The following MGST1 variants were observed in gnomAD, a reference collection of about 807,000 sequenced individuals.
MGST1 encodes the protein microsomal glutathione S-transferase 1.
In MGST1, 5 loss-of-function variants were observed where a neutral mutation model predicts 8.9. That is an observed-to-expected ratio of 0.56 (90% CI 0.29 to 1.19). MGST1 has a LOEUF of 1.19. Among genes scored for constraint, MGST1 ranks in the 50% most tolerant of loss-of-function variants. MGST1 has a pLI of 0.08. For synonymous variants in MGST1, 54 were observed against 67.8 expected, an observed-to-expected ratio of 0.80 and a Z score of 1.00; for missense variants, 182 against 187.4, an observed-to-expected ratio of 0.97 and a Z score of 0.17.
rs142092134 is a variant in MGST1 at position 16,430,826 on chromosome 12, A to G, written n.779-6562A>G. On this transcript the variant is annotated intron_variant and non_coding_transcript_variant, in intron 1 of 1. Transcript: ENST00000359720. ...TTACCATCTGCATTAGCCTCTAACAAGACAGCGAGCCCGTCCTTTGAAGCT... is the reference window on the plus strand; with the variant it reads ...TTACCATCTGCATTAGCCTCTAACAGGACAGCGAGCCCGTCCTTTGAAGCT... Among the ~76,000 whole-genome samples the G allele has an allele frequency of 6.3e-3, 953 of 152,282 alleles. 11 individuals carry two copies. Among genetic ancestry groups the G allele is most frequent in the African/African-American group, 0.021 (883 of 41,574 alleles).
At chr12:16,467,812 G>A (rs1263044788) in intron 4 of MGST1, among the ~76,000 whole-genome samples, 1 of 152,170 alleles carries the variant, frequency 6.6e-6, no homozygotes, top group Non-Finnish European at 1.5e-5. Context: ...GTCTGCTTCA[G>A]ACATTAGTTT....
chr12:16,357,717 GA>G lies in MGST1; in HGVS notation c.221+21del. 6.3e-7 allele frequency: 1 copy of G among 1,597,886 alleles called. No individual in the cohort carries two copies. The highest frequency in any genetic ancestry group is 8.5e-7 in the Non-Finnish European group (1 of 1,169,982). ...GTACGCAGGTAAACCAGTGTCTCTT[GA>G]AATTACTTACTTTATGAAACAATTT... On this transcript the variant is annotated intron_variant, in intron 3 of 3. Transcript: ENST00000396210.
intron 1 of MGST1, among the ~76,000 whole-genome samples, chr12:16,420,231 T>C (rs1182028484): frequency 6.6e-6 from 1 of 151,826 alleles, no homozygotes; most frequent in Non-Finnish European, 1.5e-5. Flanking sequence ...GATCACATCA[T>C]CAAGATGCCC....
intron 4 of MGST1, among the ~76,000 whole-genome samples, chr12:16,462,548 ACCC>A (rs1555105345): frequency 3.7e-5 from 5 of 135,908 alleles, no homozygotes; most frequent in African/African-American, 1.3e-4. Context: ...GATGCACTTT[ACCC>A]CCCCAAAAAA....
chr12:16,359,079 A>C (rs1485940012), intron 3 of MGST1, among the ~76,000 whole-genome samples: 2 of 152,148 alleles, frequency 1.3e-5, no homozygotes, highest in Middle Eastern at 3.2e-3. Flanking sequence ...AATGAACTAA[A>C]AAAAATGTGG....
intron 3 of MGST1, among the ~76,000 whole-genome samples, chr12:16,373,188 G>C (rs1295111670): frequency 6.6e-6 from 1 of 151,646 alleles, no homozygotes; most frequent in Non-Finnish European, 1.5e-5. Context: ...TCATATGTGG[G>C]AGCTTAAAAA....
chr12:16,589,727 C>T (rs993798292), downstream of MGST1: 2 of 152,090 alleles, frequency 1.3e-5, no homozygotes, highest in African/African-American at 2.4e-5. This position sits in a 1 kb window ranked among gnomAD's most constrained non-coding sequence, Gnocchi z 4.2. Context: ...TCAAATTGAT[C>T]TGCCTTGGAA....
At chr12:16,381,867 C>T (rs1940456429), downstream of MGST1, among the ~76,000 whole-genome samples, 1 of 152,156 alleles carries the variant, frequency 6.6e-6, no homozygotes, top group Non-Finnish European at 1.5e-5. Flanking sequence ...AACTTCTCTT[C>T]TCGCTTCGTT....
chr12:16,474,371 C>T (rs1941307107), intron 4 of MGST1, among the ~76,000 whole-genome samples: 1 of 152,168 alleles, frequency 6.6e-6, no homozygotes, highest in Non-Finnish European at 1.5e-5. Context: ...TTCTAAAAAA[C>T]ATTGTCAATT....
At chr12:16,590,899 C>T (rs1304518614), downstream of MGST1, among the ~76,000 whole-genome samples, 1 of 152,008 alleles carries the variant, frequency 6.6e-6, no homozygotes, top group Non-Finnish European at 1.5e-5. Flanking sequence ...ACAACTATTA[C>T]TTAATCACAC....
At position 16,482,175 on chromosome 12, in the gene MGST1, C is replaced by T. The variant is rs1941368599; in HGVS notation, n.482+98571C>T. ...TTTTCATGAAAACCAAAGCAAATTA[C>T]CACCAGTAGACCTCCAAATTCTGAA... is the stretch of plus-strand genomic sequence containing the variant. On this transcript the variant is annotated intron_variant and non_coding_transcript_variant, in intron 4 of 4. Transcript: ENST00000538857. This position sits in a 1 kb window ranked among gnomAD's most constrained non-coding sequence, Gnocchi z 4.2. 6.6e-6 allele frequency among the ~76,000 whole-genome samples: 1 copy of T among 152,150 alleles called. No individual in the cohort carries two copies. Among genetic ancestry groups the T allele is most frequent in the East Asian group, 1.9e-4 (1 of 5,198 alleles).
chr12:16,494,069 A>G (rs974220449), intron 4 of MGST1, among the ~76,000 whole-genome samples: 4 of 152,132 alleles, frequency 2.6e-5, no homozygotes, highest in Non-Finnish European at 5.9e-5. Context: ...TCAAGGTAAA[A>G]ATATAGTGAG....
chr12:16,381,396 T>C (rs996696591), downstream of MGST1, among the ~76,000 whole-genome samples: 5 of 152,328 alleles, frequency 3.3e-5, no homozygotes, highest in African/African-American at 1.2e-4. Flanking sequence ...CTTTCACTTA[T>C]GAAGCTTAGT....
At chr12:16,535,512 A>G (rs1214456076) in intron 4 of MGST1, among the ~76,000 whole-genome samples, 1 of 152,230 alleles carries the variant, frequency 6.6e-6, no homozygotes, top group Non-Finnish European at 1.5e-5. Flanking sequence ...GCTTGCGACA[A>G]AAACAGAGAT....
chr12:16,506,036 A>G (rs769218062), intron 4 of MGST1, among the ~76,000 whole-genome samples: 2 of 152,272 alleles, frequency 1.3e-5, no homozygotes, highest in Non-Finnish European at 2.9e-5. Flanking sequence ...TTAAATGATT[A>G]GCTCCAATTA....
intron 4 of MGST1, among the ~76,000 whole-genome samples, chr12:16,516,406 G>C (rs1295681872): frequency 6.6e-6 from 1 of 152,130 alleles, no homozygotes; most frequent in Non-Finnish European, 1.5e-5. Context: ...GGACCTGAGA[G>C]AATAGGTAAT....
Position 16,555,258 on chromosome 12 carries a change from T to C in MGST1, n.483-34270T>C, listed in dbSNP as rs750051599. Among the ~76,000 whole-genome samples, 1 of 152,218 alleles carries C rather than the reference T, an allele frequency of 6.6e-6. No homozygotes were observed. The highest frequency in any genetic ancestry group is 1.5e-5 in the Non-Finnish European group (1 of 68,030). On this transcript the variant is annotated intron_variant and non_coding_transcript_variant, in intron 4 of 4. Coordinates refer to the MGST1 transcript ENST00000538857. This position sits in a 1 kb window ranked among gnomAD's most constrained non-coding sequence, Gnocchi z 5.5. ...CTCCCCTTTTTCTGTCTACTTAAAT[T>C]GTAACAATCCTTGAGTTCCCATTGC...
At chr12:16,386,528 A>G (rs1024502814) in intron 1 of MGST1, among the ~76,000 whole-genome samples, 1 of 152,186 alleles carries the variant, frequency 6.6e-6, no homozygotes, top group Admixed American at 6.5e-5. Flanking sequence ...CCTACTCTCA[A>G]TACTGAGACC....
chr12:16,434,937 C>T (rs556797494), intron 1 of MGST1, among the ~76,000 whole-genome samples: 9 of 152,054 alleles, frequency 5.9e-5, no homozygotes, highest in Non-Finnish European at 8.8e-5. Flanking sequence ...GAAGGAGAAG[C>T]GACATTTTTA....
Sources: gnomAD v4.1 joint callset for allele counts (sites outside exome capture counted in the v4.1 genomes callset) on GRCh38, gnomAD v4.1.1 for gene constraint, Gnocchi (gnomAD v3.1) non-coding constraint, MANE v1.5 for transcripts, NCBI Gene and HGNC (gene_info 2026-07-23, HGNC 2026-07-21) for gene names.